PEX5L: variants seen among roughly 807,000 people sequenced by gnomAD.
PEX5L encodes PEX5-related protein.
In PEX5L, 30 loss-of-function variants were observed where a neutral mutation model predicts 84.0. The ratio of observed to expected loss-of-function variants is 0.36; its 90% CI spans 0.27 to 0.48. The LOEUF (loss-of-function observed/expected upper bound fraction) is 0.48. Among genes scored for constraint, PEX5L ranks in the 20% least tolerant of loss-of-function variants. PEX5L has a pLI of 0.99. For missense variants in PEX5L, 533 were observed against 754.6 expected (o/e 0.71, Z 3.44); for synonymous variants, 270 against 283.1 (o/e 0.95, Z 0.46).
At chr3:180,008,150 TTGC>T (rs1789096660) in intron 1 of PEX5L, among the ~76,000 whole-genome samples, 1 of 152,202 alleles carries the variant, frequency 6.6e-6, no homozygotes, top group Admixed American at 6.5e-5. Flanking sequence ...ATTGAATGCT[TTGC>T]TGCTTAGAAA....
At chr3:179,880,742 G>T (rs924957036) in intron 4 of PEX5L, 1 of 152,162 alleles carries the variant, frequency 6.6e-6, no homozygotes, top group South Asian at 2.1e-4. Context: ...CTATAAAACT[G>T]TTACACTTTT....
Position 179,887,781 on chromosome 3 carries a change from C to T in PEX5L, c.202G>A (p.Val68Met). 6.2e-7 allele frequency: 1 copy of T among 1,608,898 alleles called. No homozygotes were observed. The change falls in exon 4 of 15, where the codon GTG becomes ATG. Residue 68 changes from valine (V) to methionine (M), a missense_variant. Val to Met is a conservative substitution (Grantham distance 21). Coordinates refer to ENST00000467460, the MANE Select transcript of PEX5L (RefSeq NM_016559.3). ...GGTCTGCTTTCTTGTTGCTCATTCA[C>T]CAGCTGAGAACAAATGAACAGAGGT... Reference protein sequence around the residue: ...KPLLTMTSQLVNEQQESRPLL... With the variant: ...KPLLTMTSQLMNEQQESRPLL...
At chr3:180,001,701 T>C (rs144338532) in intron 1 of PEX5L, among the ~76,000 whole-genome samples, 2 of 152,270 alleles carry the variant, frequency 1.3e-5, no homozygotes, top group African/African-American at 4.8e-5. Context: ...GCATATGTTT[T>C]ATACACATAT....
Position 179,936,987 on chromosome 3 carries a change from G to A in PEX5L, c.93+34607C>T, listed in dbSNP as rs139030729. Reference sequence around the variant, plus strand: ...TAAAACTATTACTAAACTGAGTGAGGTTGGTGAATTATCTTGTACTAAAAC... The same window carrying A: ...TAAAACTATTACTAAACTGAGTGAGATTGGTGAATTATCTTGTACTAAAAC... On this transcript the variant is annotated intron_variant, in intron 2 of 14. Transcript: ENST00000467460. Among the ~76,000 whole-genome samples the A allele has an allele frequency of 3.4e-3, 126 of 36,650 alleles. 55 individuals are homozygous for A. The East Asian group carries it at 0.17, about 49-fold the overall frequency. 24.0% of individuals were successfully genotyped at this position (36,650 alleles called of 152,430 possible). A position where few individuals can be genotyped will look rare whatever the true frequency, so the allele number is the denominator to read the frequency against.
intron 8 of PEX5L, among the ~76,000 whole-genome samples, chr3:179,837,607 C>T (rs999021347): frequency 1.3e-5 from 2 of 152,176 alleles, no homozygotes; most frequent in African/African-American, 4.8e-5. Flanking sequence ...TAACTGTTTG[C>T]TCAATTGGTA....
At chr3:179,892,022 T>C (rs1440183784) in intron 3 of PEX5L, among the ~76,000 whole-genome samples, 1 of 152,182 alleles carries the variant, frequency 6.6e-6, no homozygotes, top group Non-Finnish European at 1.5e-5. Flanking sequence ...TTATTTTGTC[T>C]TTTGGGTATG....
chr3:179,983,559 T>A (rs1216940644), intron 1 of PEX5L, among the ~76,000 whole-genome samples: 1 of 151,914 alleles, frequency 6.6e-6, no homozygotes, highest in Non-Finnish European at 1.5e-5. Context: ...TTGGCATGAA[T>A]CAAGATACTG....
chr3:179,939,727 A>T (rs985615168), intron 2 of PEX5L, among the ~76,000 whole-genome samples: 7 of 152,214 alleles, frequency 4.6e-5, no homozygotes, highest in Non-Finnish European at 7.3e-5. Context: ...TTCATAAGCC[A>T]TAAAGAGGTT....
intron 9 of PEX5L, among the ~76,000 whole-genome samples, chr3:179,819,080 C>T (rs1190827139): frequency 6.6e-6 from 1 of 151,252 alleles, no homozygotes; most frequent in Non-Finnish European, 1.5e-5. Context: ...GTTGTTCAGG[C>T]TCACATTGTT....
intron 2 of PEX5L, among the ~76,000 whole-genome samples, chr3:179,933,949 G>A (rs1298437077): frequency 6.8e-6 from 1 of 147,426 alleles, no homozygotes; most frequent in Non-Finnish European, 1.5e-5. Context: ...CATGCCTGAT[G>A]GCAGAACACT....
intron 1 of PEX5L, among the ~76,000 whole-genome samples, chr3:179,982,415 A>G (rs1158336431): frequency 6.6e-6 from 1 of 152,168 alleles, no homozygotes; most frequent in Non-Finnish European, 1.5e-5. Flanking sequence ...ATCTTCTTCC[A>G]TTTGCACTTT....
chr3:179,930,262 T>C (rs555419935), intron 2 of PEX5L, among the ~76,000 whole-genome samples: 2 of 152,338 alleles, frequency 1.3e-5, no homozygotes, highest in East Asian at 3.9e-4. Context: ...AACTGCTTTG[T>C]ATACCTTATT....
intron 11 of PEX5L, among the ~76,000 whole-genome samples, chr3:179,810,163 C>T (rs1026110651): frequency 1.3e-5 from 2 of 151,658 alleles, no homozygotes; most frequent in Admixed American, 1.3e-4. Context: ...CAGATGCCCA[C>T]CACACCCAGC....
At chr3:179,807,862 C>A in intron 13 of PEX5L, 31 bp from the exon 14 acceptor site, 1 of 1,597,074 alleles carries the variant, frequency 6.3e-7, no homozygotes, top group African/African-American at 1.3e-5. Context: ...TTCTAACAAC[C>A]CAGTACAAGG....
At position 179,797,605 on chromosome 3, in the gene PEX5L, A is replaced by ATAT. The variant is rs1171034649; in HGVS notation, c.*4222_*4223insATA. 1.7e-3 allele frequency: 149 copies of ATAT among 89,140 alleles called. 1 individual carries two copies. The highest frequency in any genetic ancestry group is 0.015 in the South Asian group (37 of 2,514). The allele number at this position is 89,140 out of a possible 1,614,324, so 5.5% of individuals were successfully genotyped here. A position where few individuals can be genotyped will look rare whatever the true frequency, so the allele number is the denominator to read the frequency against. ...AACACTCTTTAAAAAAAAAAAAAAA[A>ATAT]ATATATATATATATATATATATATA... On this transcript the variant is annotated 3_prime_UTR_variant, in exon 15 of 15. Coordinates refer to ENST00000467460, the MANE Select transcript of PEX5L (RefSeq NM_016559.3).
chr3:179,799,799 G>T lies in PEX5L; in HGVS notation c.*2029C>A, dbSNP rs763700982. On this transcript the variant is annotated 3_prime_UTR_variant, in exon 15 of 15. Transcript: ENST00000467460. ...GCCCCAAGAGTCCTTACCAGACTGGGTTTCTCGAATTCTACAATTCTTACA... is the reference window on the plus strand; with the variant it reads ...GCCCCAAGAGTCCTTACCAGACTGGTTTTCTCGAATTCTACAATTCTTACA... 3 of 152,186 alleles carry T rather than the reference G, an allele frequency of 2.0e-5. No individual in the cohort carries two copies. The highest frequency in any genetic ancestry group is 2.9e-5 in the Non-Finnish European group (2 of 68,048). The allele number at this position is 152,186 out of a possible 1,614,324, so 9.4% of individuals were successfully genotyped here. A position where few individuals can be genotyped will look rare whatever the true frequency, so the allele number is the denominator to read the frequency against.
At chr3:179,900,577 T>C in intron 2 of PEX5L, 1 of 882,232 alleles carries the variant, frequency 1.1e-6, no homozygotes, top group Non-Finnish European at 1.8e-6. Flanking sequence ...ATTAGTCCTT[T>C]CATGCTGAAC....
intron 2 of PEX5L, among the ~76,000 whole-genome samples, chr3:179,928,066 T>A (rs534814999): frequency 6.6e-6 from 1 of 152,298 alleles, no homozygotes; most frequent in South Asian, 2.1e-4. Flanking sequence ...TTTCCCCACT[T>A]TTATTTATGT....
chr3:179,816,025 A>T, intron 9 of PEX5L, 21 bp from the exon 10 acceptor site: 1 of 1,611,672 alleles, frequency 6.2e-7, no homozygotes. Flanking sequence ...GAAAAAGGCC[A>T]GTGCATGAGC....
Sources: allele counts gnomAD v4.1 joint callset (sites outside exome capture counted in the v4.1 genomes callset), GRCh38; gene constraint gnomAD v4.1.1; transcripts MANE v1.5; gene names NCBI Gene and HGNC (gene_info 2026-07-23, HGNC 2026-07-21).